KIAA1328: variants seen among roughly 807,000 people sequenced by gnomAD.
The protein encoded by KIAA1328 is KIAA1328, also known as protein hinderin.
Under a neutral mutation model 68.1 loss-of-function variants are expected in KIAA1328, and 52 were observed. The observed-to-expected ratio is 0.76, with a 90% confidence interval of 0.61 to 0.96. The LOEUF (loss-of-function observed/expected upper bound fraction) is 0.96. KIAA1328 is among the 40% of genes least tolerant of loss of function. KIAA1328 has a pLI of 0.00. For synonymous variants in KIAA1328, 232 were observed against 239.4 expected, an observed-to-expected ratio of 0.97 and a Z score of 0.28; for missense variants, 641 against 677.6, an observed-to-expected ratio of 0.95 and a Z score of 0.60.
At chr18:37,000,719 G>A (rs1296027212) in intron 6 of KIAA1328, among the ~76,000 whole-genome samples, 1 of 149,988 alleles carries the variant, frequency 6.7e-6, no homozygotes, top group East Asian at 2.0e-4. Context: ...AATAAAATTA[G>A]AAATCAATAC....
intron 4 of KIAA1328, among the ~76,000 whole-genome samples, chr18:36,863,268 C>G (rs1300813297): frequency 1.3e-5 from 2 of 150,868 alleles, no homozygotes; most frequent in South Asian, 4.2e-4. Flanking sequence ...TTTTTTTCCC[C>G]AATTGATGTA....
intron 6 of KIAA1328, among the ~76,000 whole-genome samples, chr18:37,016,165 A>G (rs1210503138): frequency 6.6e-6 from 1 of 152,134 alleles, no homozygotes; most frequent in African/African-American, 2.4e-5. Flanking sequence ...ATTTTGAGGA[A>G]TGTTCCTTTA....
chr18:37,025,693 A>T (rs1292659399), intron 6 of KIAA1328, among the ~76,000 whole-genome samples: 1 of 152,216 alleles, frequency 6.6e-6, no homozygotes, highest in African/African-American at 2.4e-5. Flanking sequence ...AAGACAAAAC[A>T]TACCAGAATC....
Position 37,109,387 on chromosome 18 carries a change from G to C in KIAA1328, c.1232+41842G>C, listed in dbSNP as rs549504122. On this transcript the variant is annotated intron_variant, in intron 7 of 9. Coordinates refer to ENST00000280020, the MANE Select transcript of KIAA1328 (RefSeq NM_020776.3). ...TAAAACATGTTACCCCTCGTATATG[G>C]CATAGCATAGCCTAAGAATTAGCTT... 1.1e-4 allele frequency among the ~76,000 whole-genome samples: 16 copies of C among 152,250 alleles called. No individual in the cohort carries two copies. In the East Asian group the frequency reaches 2.7e-3, roughly 26 times the overall value.
chr18:37,163,716 T>C (rs918864718), intron 8 of KIAA1328, among the ~76,000 whole-genome samples: 2 of 152,174 alleles, frequency 1.3e-5, no homozygotes, highest in Non-Finnish European at 2.9e-5. Context: ...AAATGAACAA[T>C]TGGAGTGTCC....
At chr18:37,125,094 G>C (rs1315149533) in intron 7 of KIAA1328, among the ~76,000 whole-genome samples, 1 of 152,160 alleles carries the variant, frequency 6.6e-6, no homozygotes, top group East Asian at 1.9e-4. Context: ...ATGGGAGGCC[G>C]TGGTGAGTGA....
intron 3 of KIAA1328, 115 bp from the exon 4 acceptor site, chr18:36,844,093 A>G: frequency 1.6e-6 from 1 of 631,624 alleles, no homozygotes; most frequent in Non-Finnish European, 2.7e-6. Context: ...AAACAGGTAG[A>G]TAGTGTTGCA....
chr18:37,094,438 C>A (rs946117672), intron 7 of KIAA1328, among the ~76,000 whole-genome samples: 7 of 152,084 alleles, frequency 4.6e-5, no homozygotes, highest in Admixed American at 6.6e-5. Flanking sequence ...TAGTCTTTCA[C>A]AGACAGCCAA....
At chr18:37,064,559 T>A in intron 6 of KIAA1328, among the ~76,000 whole-genome samples, 1 of 121,526 alleles carries the variant, frequency 8.2e-6, no homozygotes, top group South Asian at 3.2e-4. Context: ...AATATGACCA[T>A]GTCTTAATTC....
chr18:36,942,467 T>C (rs1021830872), intron 5 of KIAA1328, among the ~76,000 whole-genome samples: 2 of 152,172 alleles, frequency 1.3e-5, no homozygotes, highest in Non-Finnish European at 2.9e-5. Flanking sequence ...GGGGGAGTAG[T>C]AGGTTCACAA....
intron 6 of KIAA1328, among the ~76,000 whole-genome samples, chr18:37,036,260 ACTTATAGGAAAGAAGCAGTTTGTC>A (rs1371900637): frequency 6.6e-6 from 1 of 152,196 alleles, no homozygotes; most frequent in African/African-American, 2.4e-5. Context: ...AAATTTAGAG[ACTTATAGGAAAGAAGCAGTTTGTC>A]CTGACCTTCT....
intron 4 of KIAA1328, among the ~76,000 whole-genome samples, chr18:36,880,175 C>CTCCTGATCTGTGGG (rs1166570215): frequency 2.0e-5 from 3 of 152,292 alleles, no homozygotes; most frequent in Non-Finnish European, 4.4e-5. Context: ...CCGAGGGAAT[C>CTCCTGATCTGTGGG]TCCTGATCTG....
At chr18:37,092,309 GACCC>G (rs1460307197) in intron 7 of KIAA1328, among the ~76,000 whole-genome samples, 1 of 151,878 alleles carries the variant, frequency 6.6e-6, no homozygotes, top group African/African-American at 2.4e-5. Context: ...CCTAAGAACA[GACCC>G]ACCCCATCTA....
chr18:36,871,488 T>C (rs1254700401), intron 4 of KIAA1328, among the ~76,000 whole-genome samples: 2 of 152,158 alleles, frequency 1.3e-5, no homozygotes, highest in East Asian at 1.9e-4. Context: ...TTAATTAATA[T>C]AGTTCTATTG....
intron 5 of KIAA1328, among the ~76,000 whole-genome samples, chr18:36,934,864 T>G (rs777140468): frequency 6.6e-6 from 1 of 152,344 alleles, no homozygotes; most frequent in South Asian, 2.1e-4. Flanking sequence ...ACATTTTCAT[T>G]TGTTATGGCA....
chr18:37,213,304 C>T (rs1280158143), intron 9 of KIAA1328, among the ~76,000 whole-genome samples: 3 of 152,128 alleles, frequency 2.0e-5, no homozygotes, highest in East Asian at 3.9e-4. Context: ...CCCGCTCTCC[C>T]CACCCCACAA....
At chr18:36,942,957 G>T (rs2050767153) in intron 5 of KIAA1328, among the ~76,000 whole-genome samples, 1 of 152,180 alleles carries the variant, frequency 6.6e-6, no homozygotes, top group South Asian at 2.1e-4. Context: ...CCCTAGAAAT[G>T]ATGCCAAAGC....
At chr18:37,114,564 T>C (rs1258034826) in intron 7 of KIAA1328, among the ~76,000 whole-genome samples, 1 of 152,106 alleles carries the variant, frequency 6.6e-6, no homozygotes. Context: ...GCAGGAAAGA[T>C]CTAAAACTGA....
chr18:36,952,584 A>T (rs2051205889), intron 5 of KIAA1328, among the ~76,000 whole-genome samples: 1 of 152,208 alleles, frequency 6.6e-6, no homozygotes, highest in Non-Finnish European at 1.5e-5. Context: ...ACTAAGTACC[A>T]GAGTTACGAT....
Sources: allele counts gnomAD v4.1 joint callset (sites outside exome capture counted in the v4.1 genomes callset), GRCh38; gene constraint gnomAD v4.1.1; transcripts MANE v1.5; gene names NCBI Gene and HGNC (gene_info 2026-07-23, HGNC 2026-07-21).